The following ATP9B variants were observed in gnomAD, a reference collection of about 807,000 sequenced individuals.
ATP9B encodes ATPase phospholipid transporting 9B.
A neutral mutation model predicts 146.1 loss-of-function variants in ATP9B; 110 were observed. The observed-to-expected ratio is 0.75, with a 90% CI of 0.65 to 0.88. The LOEUF (loss-of-function observed/expected upper bound fraction) is 0.88. Among genes scored for constraint, ATP9B ranks in the 40% least tolerant of loss-of-function variants. The pLI, the probability that ATP9B is intolerant of heterozygous loss-of-function variation, is 0.00. For missense variants in ATP9B, 1,499 were observed against 1,496.4 expected, an observed-to-expected ratio of 1.00 and a Z score of -0.03; for synonymous variants, 604 against 569.7, an observed-to-expected ratio of 1.06 and a Z score of -0.86.
chr18:79,149,523 C>T (rs1286892676), intron 6 of ATP9B, among the ~76,000 whole-genome samples: 1 of 151,788 alleles, frequency 6.6e-6, no homozygotes, highest in Non-Finnish European at 1.5e-5. Context: ...ATTTCTTAGA[C>T]TTGATACCAA....
At chr18:79,143,954 G>C (rs2094545972) in intron 6 of ATP9B, 94 bp downstream of exon 6, 1 of 715,044 alleles carries the variant, frequency 1.4e-6, no homozygotes. Context: ...AAGAAATTGA[G>C]ACATGTATTT....
chr18:79,279,308 C>G (rs1010088746), intron 13 of ATP9B, among the ~76,000 whole-genome samples: 2 of 152,134 alleles, frequency 1.3e-5, no homozygotes, highest in African/African-American at 4.8e-5. Context: ...ACAGACAGCC[C>G]CTTGATTTGG....
intron 22 of ATP9B, 25 bp downstream of exon 22, chr18:79,345,597 A>T (rs2096881831): frequency 1.2e-6 from 2 of 1,602,276 alleles, no homozygotes; most frequent in Non-Finnish European, 1.7e-6. Context: ...CCCTGCTCAC[A>T]GGGAGGTCTC....
intron 2 of ATP9B, among the ~76,000 whole-genome samples, chr18:79,100,988 T>C (rs1395204286): frequency 6.6e-6 from 1 of 152,150 alleles, no homozygotes; most frequent in Non-Finnish European, 1.5e-5. Flanking sequence ...CAAGATGAGA[T>C]TTGGGTGGGG....
intron 1 of ATP9B, among the ~76,000 whole-genome samples, chr18:79,069,897 T>C (rs957317955): frequency 6.6e-6 from 1 of 152,272 alleles, no homozygotes; most frequent in Admixed American, 6.5e-5. Flanking sequence ...CTTGTAGCCC[T>C]GTGAATTGTG....
intron 11 of ATP9B, among the ~76,000 whole-genome samples, chr18:79,249,586 G>C (rs1053043892): frequency 2.0e-5 from 3 of 152,126 alleles, no homozygotes; most frequent in Non-Finnish European, 4.4e-5. Flanking sequence ...GTCTGTCCAG[G>C]TATTTAAGAC....
intron 12 of ATP9B, among the ~76,000 whole-genome samples, chr18:79,262,311 A>C (rs150728689): frequency 6.6e-6 from 1 of 152,192 alleles, no homozygotes; most frequent in African/African-American, 2.4e-5. Context: ...TCTATAATTT[A>C]TGTTACGTTT....
intron 11 of ATP9B, among the ~76,000 whole-genome samples, chr18:79,224,060 A>G (rs1339749889): frequency 6.6e-6 from 1 of 152,218 alleles, no homozygotes; most frequent in African/African-American, 2.4e-5. Context: ...CTTACTAATT[A>G]TTTGTTGCAT....
chr18:79,347,119 C>T (rs1182301547), intron 23 of ATP9B, among the ~76,000 whole-genome samples: 5 of 152,186 alleles, frequency 3.3e-5, no homozygotes, highest in Non-Finnish European at 7.3e-5. Flanking sequence ...GTGTGGTTGC[C>T]TGTGTCTCCT....
At chr18:79,347,949 C>T (rs2096899479) in intron 24 of ATP9B, 24 bp downstream of exon 24, 2 of 1,607,194 alleles carry the variant, frequency 1.2e-6, no homozygotes. Context: ...TGTGCTGGCA[C>T]CCATGGAGGG....
At chr18:79,374,740 C>G (rs1262034990) in intron 28 of ATP9B, among the ~76,000 whole-genome samples, 1 of 152,268 alleles carries the variant, frequency 6.6e-6, no homozygotes, top group East Asian at 1.9e-4. Flanking sequence ...AAAGAACTCT[C>G]AGAAAATACC....
At chr18:79,157,417 A>AAC (rs1555714862) in intron 7 of ATP9B, among the ~76,000 whole-genome samples, 1 of 150,090 alleles carries the variant, frequency 6.7e-6, no homozygotes, top group East Asian at 2.0e-4. Context: ...AAAAAAAAAA[A>AAC]AAAAAAACAT....
At chr18:79,174,590 T>A (rs1325339714) in intron 7 of ATP9B, among the ~76,000 whole-genome samples, 1 of 151,946 alleles carries the variant, frequency 6.6e-6, no homozygotes, top group Non-Finnish European at 1.5e-5. Flanking sequence ...TTTCTTTGTT[T>A]TTTATTTGTT....
intron 15 of ATP9B, among the ~76,000 whole-genome samples, chr18:79,327,568 G>A (rs1437006813): frequency 7.6e-6 from 1 of 131,104 alleles, no homozygotes; most frequent in Non-Finnish European, 1.6e-5. Flanking sequence ...TGCTCTCCGT[G>A]GTTAGCGTGC....
At chr18:79,071,188 C>T (rs1271820422) in intron 1 of ATP9B, among the ~76,000 whole-genome samples, 2 of 150,912 alleles carry the variant, frequency 1.3e-5, no homozygotes, top group African/African-American at 2.4e-5. Flanking sequence ...TGACTTATCA[C>T]CATGGTGTAT....
intron 18 of ATP9B, 85 bp downstream of exon 18, chr18:79,336,796 T>A: frequency 7.2e-7 from 1 of 1,392,460 alleles, no homozygotes. Flanking sequence ...TGTATGAAAT[T>A]AGAGCTGGGA....
intron 6 of ATP9B, among the ~76,000 whole-genome samples, chr18:79,151,654 T>C (rs1193016757): frequency 6.6e-6 from 1 of 152,174 alleles, no homozygotes; most frequent in Non-Finnish European, 1.5e-5. Context: ...CCAATCAGCG[T>C]GCCTTGGCAT....
At chr18:79,201,189 G>GT (rs977506737) in intron 9 of ATP9B, among the ~76,000 whole-genome samples, 6 of 152,066 alleles carry the variant, frequency 3.9e-5, no homozygotes, top group African/African-American at 1.2e-4. Flanking sequence ...TTTTCTAACA[G>GT]TTTTTTTCTC....
At chr18:79,122,409 A>G in intron 4 of ATP9B, among the ~76,000 whole-genome samples, 1 of 152,174 alleles carries the variant, frequency 6.6e-6, no homozygotes, top group Non-Finnish European at 1.5e-5. Context: ...GGCTTATAAA[A>G]TGTGTATATT....
Sources: allele counts gnomAD v4.1 joint callset (sites outside exome capture counted in the v4.1 genomes callset), GRCh38; gene constraint gnomAD v4.1.1; transcripts MANE v1.5; gene names NCBI Gene and HGNC (gene_info 2026-07-23, HGNC 2026-07-21).